Variants in FAM83G observed in about 807,000 individuals in gnomAD.
FAM83G encodes the protein protein FAM83G.
Under a neutral mutation model 61.5 loss-of-function variants are expected in FAM83G, and 38 were observed. That is an observed-to-expected ratio of 0.62 (90% CI 0.48 to 0.81). The LOEUF (loss-of-function observed/expected upper bound fraction) is 0.81. Among genes scored for constraint, FAM83G ranks in the 30% least tolerant of loss-of-function variants. The pLI, the probability that FAM83G is intolerant of heterozygous loss-of-function variation, is 0.00. For synonymous variants in FAM83G, 470 were observed against 476.1 expected, an observed-to-expected ratio of 0.99 and a Z score of 0.17; for missense variants, 989 against 1,133.6, an observed-to-expected ratio of 0.87 and a Z score of 1.83.
intron 3 of FAM83G, among the ~76,000 whole-genome samples, chr17:18,984,186 CA>C (rs1245974686): frequency 6.6e-6 from 1 of 151,894 alleles, no homozygotes; most frequent in Non-Finnish European, 1.5e-5. Flanking sequence ...ACTAAAAATA[CA>C]AAAAATTAGC....
At position 18,978,091 on chromosome 17, in the gene FAM83G, C is replaced by A. The variant is rs2152009117; in HGVS notation, c.1575G>T (p.Trp525Cys). The A allele has an allele frequency of 6.6e-7, 1 of 1,516,310 alleles. No individual in the cohort carries two copies. The highest frequency in any genetic ancestry group is 8.8e-7 in the Non-Finnish European group (1 of 1,135,896). The allele number at this position is 1,516,310 out of a possible 1,614,324, so 93.9% of individuals were successfully genotyped here. The change falls in exon 5 of 6, where the codon TGG becomes TGT. Residue 525 changes from tryptophan to cysteine, a missense_variant. Trp to Cys is a radical substitution (Grantham distance 215). Coordinates refer to ENST00000388995, the MANE Select transcript of FAM83G (RefSeq NM_001039999.3). Reference sequence around the variant, plus strand: ...CTTCCTCTTTGGGGAGCTCCAGGACCCAGCCAATATCACTGCTGTCCCGGG... The same window carrying A: ...CTTCCTCTTTGGGGAGCTCCAGGACACAGCCAATATCACTGCTGTCCCGGG... ...VLARDSSDIG[W>C]VLELPKEEAP... is the part of the protein sequence containing the mutation.
chr17:19,004,516 A>G lies in FAM83G; in HGVS notation c.-129+193T>C, dbSNP rs1435930833. 6.6e-6 allele frequency among the ~76,000 whole-genome samples: 1 copy of G among 152,152 alleles called. No individual in the cohort carries two copies. The highest frequency in any genetic ancestry group is 1.5e-5 in the Non-Finnish European group (1 of 67,988). ...TTAGAGTGGGAGGCGGCCCCGGCAC[A>G]GAGGCGCCCCGCAAACCGAGGGCTT... On this transcript the variant is annotated intron_variant, in intron 1 of 5. Transcript: ENST00000388995. This position sits in a 1 kb window ranked among gnomAD's most constrained non-coding sequence, Gnocchi z 5.4.
Position 18,971,204 on chromosome 17 carries a change from T to C in FAM83G, c.*155A>G, listed in dbSNP as rs571295774. 41 of 1,613,952 alleles carry C rather than the reference T, an allele frequency of 2.5e-5. No individual in the cohort carries two copies. In the South Asian group the frequency reaches 3.8e-4, roughly 15 times the overall value. On this transcript the variant is annotated 3_prime_UTR_variant, in exon 6 of 6. Transcript: ENST00000388995. The surrounding 1 kb of genome is among the most constrained non-coding windows in gnomAD (Gnocchi z 5.5). The stretch of plus-strand genomic sequence containing the variant: ...CCTGACCATCATGGCCACCTGGTAC[T>C]GGTGCACCGACCAGGTGAGTGCCAA...
At chr17:18,979,133 T>C (rs2074270) in intron 4 of FAM83G, 324,260 of 523,824 alleles carry the variant, frequency 0.62, 101,118 homozygotes, top group East Asian at 0.75. Context: ...CCCTGGACAC[T>C]GTGGGGGGTT....
rs150430029 is a variant in FAM83G at position 18,997,254 on chromosome 17, G to C, written c.522+6266C>G. Among the ~76,000 whole-genome samples the C allele has an allele frequency of 6.9e-4, 105 of 152,338 alleles. 2 individuals are homozygous for C. The East Asian group carries it at 0.011, about 16-fold the overall frequency. On this transcript the variant is annotated intron_variant, in intron 2 of 5. Transcript: ENST00000388995. ...TACCCTGAGTCTCCTACCTCCCCCA[G>C]ACGGACATCAGCTTCCTGGTCATGG...
At chr17:18,994,427 G>A (rs1235639472) in intron 2 of FAM83G, among the ~76,000 whole-genome samples, 4 of 152,156 alleles carry the variant, frequency 2.6e-5, no homozygotes, top group South Asian at 2.1e-4. Flanking sequence ...ACGGAGTGCC[G>A]CAGGGGAGAG....
chr17:18,978,046 G>A lies in FAM83G; in HGVS notation c.1620C>T (p.Asp540=), dbSNP rs1475889906. ...GGCCTGCCATCCTGGGTAGCCTATG[G>A]TCTGTCCCATTCTGGGGAGCTTCCT... ...PKEEAPQNGT[D]HRLPRMAGPG... The change falls in exon 5 of 6, where the codon GAC becomes GAT. Residue 540 remains aspartate (D), a synonymous_variant. Transcript: ENST00000388995. 2.0e-6 allele frequency: 3 copies of A among 1,528,614 alleles called. No individual in the cohort carries two copies. The highest frequency in any genetic ancestry group is 1.4e-5 in the African/African-American group (1 of 72,230). The allele number at this position is 1,528,614 out of a possible 1,614,324, so 94.7% of individuals were successfully genotyped here.
chr17:18,980,634 G>C (rs2043107321), intron 3 of FAM83G, among the ~76,000 whole-genome samples: 1 of 152,214 alleles, frequency 6.6e-6, no homozygotes, highest in African/African-American at 2.4e-5. Context: ...GGGAGGAGCA[G>C]ATGGTAAAGG....
upstream of FAM83G, chr17:19,004,869 T>G (rs1049939199): frequency 6.6e-6 from 1 of 151,534 alleles, no homozygotes; most frequent in African/African-American, 2.4e-5. This position sits in a 1 kb window ranked among gnomAD's most constrained non-coding sequence, Gnocchi z 5.4. Flanking sequence ...GATTCACCCC[T>G]CGACAGACAG....
chr17:18,971,550 G>C lies in FAM83G; in HGVS notation c.2281C>G (p.Pro761Ala), dbSNP rs1391013268. Residue 761 changes from proline (P) to alanine (A), a missense_variant, in exon 6 of 6, where the codon CCA becomes GCA. Around this residue, in one of 3 missense-constraint regions of FAM83G, gnomAD observed 574 missense variants for 645.1 expected, o/e 0.89. Transcript: ENST00000388995. The surrounding 1 kb of genome is among the most constrained non-coding windows in gnomAD (Gnocchi z 5.5). Reference protein sequence around the residue: ...VPRLLPDPGSPRLAQNARPMT... With the variant: ...VPRLLPDPGSARLAQNARPMT... ...GGGCGGGCATTTTGGGCCAGTCTTGGGCTGCCGGGATCCGGAAGCAGGCGG... is the reference window on the plus strand; with the variant it reads ...GGGCGGGCATTTTGGGCCAGTCTTGCGCTGCCGGGATCCGGAAGCAGGCGG... The C allele has an allele frequency of 1.9e-6, 3 of 1,613,784 alleles. No individual in the cohort carries two copies. The highest frequency in any genetic ancestry group is 2.5e-6 in the Non-Finnish European group (3 of 1,180,024).
In FAM83G at chr17:18,977,847, G is replaced by C. The variant is rs1027117583; in HGVS notation, c.1819C>G (p.Arg607Gly). ...SGSSGRGPGP[R>G]RPSVASSVSE... is the part of the protein sequence containing the mutation. ...ACAGAGGAAGCCACTGAGGGCCGTCGGGGGCCAGGGCCACGGCCGGAGCTG... is the reference window on the plus strand; with the variant it reads ...ACAGAGGAAGCCACTGAGGGCCGTCCGGGGCCAGGGCCACGGCCGGAGCTG... The change falls in exon 5 of 6, where the codon CGA becomes GGA. Residue 607 changes from arginine to glycine, a missense_variant. Coordinates refer to ENST00000388995, the MANE Select transcript of FAM83G (RefSeq NM_001039999.3). The C allele has an allele frequency of 6.2e-7, 1 of 1,610,552 alleles. No individual in the cohort carries two copies. The highest frequency in any genetic ancestry group is 8.5e-7 in the Non-Finnish European group (1 of 1,179,296).
chr17:18,971,745 GGCCC>G lies in FAM83G; in HGVS notation c.2083-1_2085del. On this transcript the variant is annotated splice_acceptor_variant and coding_sequence_variant, in exon 6 of 6. Coordinates refer to ENST00000388995, the MANE Select transcript of FAM83G (RefSeq NM_001039999.3). LOFTEE classifies it high-confidence loss of function. The surrounding 1 kb of genome is among the most constrained non-coding windows in gnomAD (Gnocchi z 5.5). ...GGGACCCTGTGATGATGAAACTGCT[GGCCC>G]TGGGAGAGAGAGAGCAGAGAGTGAG... The G allele has an allele frequency of 6.4e-7, 1 of 1,559,784 alleles. No individual in the cohort carries two copies. The highest frequency in any genetic ancestry group is 8.7e-7 in the Non-Finnish European group (1 of 1,151,020).
intron 3 of FAM83G, among the ~76,000 whole-genome samples, chr17:18,984,459 A>G (rs1447477552): frequency 6.6e-6 from 1 of 152,142 alleles, no homozygotes; most frequent in Non-Finnish European, 1.5e-5. Flanking sequence ...TGGGCAGCGG[A>G]AGGGCTGGGT....
chr17:18,992,672 G>C (rs2043458647), intron 2 of FAM83G, among the ~76,000 whole-genome samples: 1 of 152,214 alleles, frequency 6.6e-6, no homozygotes, highest in South Asian at 2.1e-4. Flanking sequence ...GCTGGGCTTT[G>C]GGTGAGCCAC....
In FAM83G at chr17:19,003,614, C is replaced by G. The variant is rs773365789; in HGVS notation, c.428G>C (p.Gly143Ala). The change falls in exon 2 of 6, where the codon GGC (glycine) becomes GCC (alanine). Residue 143 changes from glycine (G) to alanine (A), a missense_variant. Coordinates refer to ENST00000388995, the MANE Select transcript of FAM83G (RefSeq NM_001039999.3). This position sits in a 1 kb window ranked among gnomAD's most constrained non-coding sequence, Gnocchi z 4.5. Reference protein sequence around the residue: ...LGWPDTIAYRGVTRASVYMQP... With the variant: ...LGWPDTIAYRAVTRASVYMQP... ...CATGTAGACGCTAGCCCGGGTCACGCCGCGGTAGGCGATGGTGTCGGGCCA... is the reference window on the plus strand; with the variant it reads ...CATGTAGACGCTAGCCCGGGTCACGGCGCGGTAGGCGATGGTGTCGGGCCA... 41 of 1,611,980 alleles carry G rather than the reference C, an allele frequency of 2.5e-5. No individual in the cohort carries two copies. The highest frequency in any genetic ancestry group is 3.5e-5 in the Non-Finnish European group (41 of 1,179,292).
chr17:18,977,128 C>T (rs2043000733), intron 5 of FAM83G: 2 of 1,174,828 alleles, frequency 1.7e-6, no homozygotes, highest in Non-Finnish European at 2.4e-6. Flanking sequence ...GAGAGTGGTC[C>T]TCAGGGCCAC....
In FAM83G at chr17:18,977,688, CA is replaced by C; in HGVS notation, c.1977del (p.Phe659LeufsTer22). 6.2e-7 allele frequency: 1 copy of C among 1,610,704 alleles called. No individual in the cohort carries two copies. Among genetic ancestry groups the C allele is most frequent in the Non-Finnish European group, 8.5e-7 (1 of 1,179,756 alleles). ...CATGGGGAGCCACCCTGGGGTCCAACAAAGGTCCCTCGGGTTATATGGGGGG... is the reference window on the plus strand; with the variant it reads ...CATGGGGAGCCACCCTGGGGTCCAACAAGGTCCCTCGGGTTATATGGGGGG... The part of the protein sequence containing the change: ...LSAPHITRGT[F>X]VGPQGGSPWA... On this transcript the variant is annotated frameshift_variant, in exon 5 of 6. Transcript: ENST00000388995. LOFTEE classifies it high-confidence loss of function.
At chr17:18,986,767 C>T (rs1246969495) in intron 3 of FAM83G, among the ~76,000 whole-genome samples, 6 of 152,212 alleles carry the variant, frequency 3.9e-5, no homozygotes, top group Admixed American at 6.5e-5. Context: ...GCAAAGCACT[C>T]GCTGGGCCTG....
At chr17:19,001,690 G>A (rs527718097) in intron 2 of FAM83G, among the ~76,000 whole-genome samples, 131 of 152,346 alleles carry the variant, frequency 8.6e-4, no homozygotes, top group African/African-American at 2.8e-3. Context: ...GTGGCTCATG[G>A]GACTGTACGG....
Sources: allele counts gnomAD v4.1 joint callset (sites outside exome capture counted in the v4.1 genomes callset), GRCh38; gene constraint gnomAD v4.1.1; regional missense constraint gnomAD v4.1.1; non-coding constraint Gnocchi (gnomAD v3.1); transcripts MANE v1.5; gene names NCBI Gene and HGNC (gene_info 2026-07-23, HGNC 2026-07-21).